Variants in RAB38 observed in about 807,000 individuals in gnomAD.
The protein encoded by RAB38 is ras-related protein Rab-38.
In RAB38, 15 loss-of-function variants were observed where a neutral mutation model predicts 18.4. The observed-to-expected ratio is 0.82, with a 90% confidence interval of 0.55 to 1.26. The LOEUF (loss-of-function observed/expected upper bound fraction) is 1.26. Ranked by LOEUF, RAB38 falls within the 50% of genes most tolerant of loss-of-function variation. The pLI, the probability that RAB38 is intolerant of heterozygous loss-of-function variation, is 0.00. For missense variants in RAB38, 294 were observed against 267.4 expected (o/e 1.10, Z -0.69); for synonymous variants, 101 against 104.4 (o/e 0.97, Z 0.20).
chr11:88,044,076 G>C, the RAB38 span, among the ~76,000 whole-genome samples: 9 of 151,872 alleles, frequency 5.9e-5, no homozygotes, highest in African/African-American at 2.2e-4. Flanking sequence ...TTCCTTTTCG[G>C]GTAGAGACAA....
the RAB38 span, among the ~76,000 whole-genome samples, chr11:87,948,155 C>T: frequency 3.9e-5 from 6 of 152,094 alleles, no homozygotes; most frequent in African/African-American, 1.2e-4. Flanking sequence ...CTCTTTGAAG[C>T]AATTGTGAAT....
rs369380559 is a variant in RAB38 at position 88,151,028 on chromosome 11, TTTG to T, written c.203-1076_203-1074del. 4.2e-3 allele frequency among the ~76,000 whole-genome samples: 632 copies of T among 152,154 alleles called. 4 individuals carry two copies. Among genetic ancestry groups the T allele is most frequent in the Admixed American group, 5.0e-3 (77 of 15,288 alleles). On this transcript the variant is annotated intron_variant, in intron 1 of 2. Coordinates refer to ENST00000243662, the MANE Select transcript of RAB38 (RefSeq NM_022337.3). ...TCCTACAGCAAAACACTAAATAAGT[TTTG>T]TTGTTGTTGTTGTTGTTTAGGATAA...
chr11:87,876,551 T>G, the RAB38 span, among the ~76,000 whole-genome samples: 1 of 151,582 alleles, frequency 6.6e-6, no homozygotes, highest in Admixed American at 6.6e-5. Flanking sequence ...ATGAAGGGAT[T>G]ATGAAGACAG....
At chr11:88,057,738 C>T in the RAB38 span, among the ~76,000 whole-genome samples, 4 of 152,136 alleles carry the variant, frequency 2.6e-5, no homozygotes, top group Non-Finnish European at 5.9e-5. Context: ...TGTGTTTCCT[C>T]CATTAAGCTA....
intron 2 of RAB38, among the ~76,000 whole-genome samples, chr11:88,134,838 C>T (rs1942813607): frequency 6.6e-6 from 1 of 152,134 alleles, no homozygotes; most frequent in South Asian, 2.1e-4. Flanking sequence ...GCTTCTTGAA[C>T]AGAAAATTCT....
the RAB38 span, among the ~76,000 whole-genome samples, chr11:88,045,596 C>A: frequency 6.6e-6 from 1 of 152,210 alleles, no homozygotes; most frequent in Admixed American, 6.5e-5. Flanking sequence ...ACTCCCAGAG[C>A]CCCTGGAACT....
the RAB38 span, among the ~76,000 whole-genome samples, chr11:88,053,807 A>T: frequency 0.025 from 3,089 of 121,146 alleles, 59 homozygotes; most frequent in South Asian, 0.069. Context: ...TTTTTTTTTT[A>T]TTTTTTCCTC....
chr11:87,859,719 G>GAAAC, the RAB38 span, among the ~76,000 whole-genome samples: 1 of 152,018 alleles, frequency 6.6e-6, no homozygotes, highest in Non-Finnish European at 1.5e-5. Flanking sequence ...GTTGGCATCA[G>GAAAC]AAACATCTTG....
the RAB38 span, among the ~76,000 whole-genome samples, chr11:88,067,352 A>G: frequency 1.1e-4 from 2 of 17,838 alleles, no homozygotes; most frequent in Admixed American, 4.3e-4. Flanking sequence ...TTAGCAAATG[A>G]AAAAAAAAAA....
At chr11:87,878,971 ATTTTTTT>A in the RAB38 span, among the ~76,000 whole-genome samples, 15 of 133,784 alleles carry the variant, frequency 1.1e-4, no homozygotes, top group East Asian at 3.3e-3. Context: ...GCAATTACTG[ATTTTTTT>A]TTTTTTTTTT....
the RAB38 span, among the ~76,000 whole-genome samples, chr11:88,041,661 A>G: frequency 6.6e-6 from 1 of 152,240 alleles, no homozygotes; most frequent in African/African-American, 2.4e-5. Flanking sequence ...CTAGCCCGTG[A>G]AATTGAGAAA....
At chr11:88,050,582 A>G in the RAB38 span, among the ~76,000 whole-genome samples, 1 of 152,256 alleles carries the variant, frequency 6.6e-6, no homozygotes, top group Admixed American at 6.5e-5. Flanking sequence ...ATTTTTAAGG[A>G]TAAAAAGTTT....
At chr11:88,013,812 C>G in the RAB38 span, among the ~76,000 whole-genome samples, 302 of 152,264 alleles carry the variant, frequency 2.0e-3, 2 homozygotes, top group Non-Finnish European at 1.9e-3. Flanking sequence ...GGCTATTTTT[C>G]AAGGCCATGC....
chr11:87,917,142 GGT>G, the RAB38 span, among the ~76,000 whole-genome samples: 1 of 152,108 alleles, frequency 6.6e-6, no homozygotes, highest in Non-Finnish European at 1.5e-5. Context: ...AAGTCTAATT[GGT>G]GGGTTCAGAG....
the RAB38 span, among the ~76,000 whole-genome samples, chr11:88,103,861 T>G: frequency 6.6e-6 from 1 of 152,066 alleles, no homozygotes; most frequent in Non-Finnish European, 1.5e-5. Flanking sequence ...CCAGAGTCAG[T>G]GCTTTTTTTC....
the RAB38 span, among the ~76,000 whole-genome samples, chr11:87,887,233 A>AAG: frequency 3.7e-3 from 560 of 152,076 alleles, 2 homozygotes; most frequent in African/African-American, 0.013. Flanking sequence ...ACTAAAACTC[A>AAG]GTTATGTTTT....
chr11:88,025,297 T>A, the RAB38 span, among the ~76,000 whole-genome samples: 2 of 151,494 alleles, frequency 1.3e-5, 1 homozygote, highest in South Asian at 4.1e-4. Context: ...GGCACCTAGC[T>A]TGATTACATG....
the RAB38 span, among the ~76,000 whole-genome samples, chr11:88,106,264 C>T: frequency 4.6e-5 from 7 of 152,064 alleles, no homozygotes; most frequent in Non-Finnish European, 8.8e-5. Flanking sequence ...CTTAATGCAC[C>T]AAACACAACA....
chr11:87,860,835 G>C, the RAB38 span, among the ~76,000 whole-genome samples: 1 of 151,622 alleles, frequency 6.6e-6, no homozygotes, highest in African/African-American at 2.4e-5. Flanking sequence ...TAATGAGTTG[G>C]AGATTTTTGG....
Sources: gnomAD v4.1 joint callset for allele counts (sites outside exome capture counted in the v4.1 genomes callset) on GRCh38, gnomAD v4.1.1 for gene constraint, MANE v1.5 for transcripts, NCBI Gene and HGNC (gene_info 2026-07-23, HGNC 2026-07-21) for gene names.